ULK4: variants seen among roughly 807,000 people sequenced by gnomAD.
ULK4 encodes the protein unc-51 like kinase 4.
A neutral mutation model predicts 160.6 loss-of-function variants in ULK4; 133 were observed. The observed-to-expected ratio is 0.83, with a 90% CI of 0.72 to 0.96. The LOEUF is 0.96. Ranked by LOEUF, ULK4 falls within the 40% of genes least tolerant of loss-of-function variation. The pLI, the probability that ULK4 is intolerant of heterozygous loss-of-function variation, is 0.00. For missense variants in ULK4, 1,580 were observed against 1,499.5 expected, an observed-to-expected ratio of 1.05 and a Z score of -0.89; for synonymous variants, 534 against 539.8, an observed-to-expected ratio of 0.99 and a Z score of 0.15.
At chr3:41,745,256 A>T (rs561151252) in intron 22 of ULK4, among the ~76,000 whole-genome samples, 1 of 151,706 alleles carries the variant, frequency 6.6e-6, no homozygotes, top group Admixed American at 6.6e-5. Context: ...CTGGTCACTC[A>T]ATCTCTAGCA....
chr3:41,789,023 T>C (rs2040074896), intron 21 of ULK4, among the ~76,000 whole-genome samples: 1 of 152,172 alleles, frequency 6.6e-6, no homozygotes, highest in Non-Finnish European at 1.5e-5. Context: ...AAGTCTGCAT[T>C]TCCAACAAGC....
chr3:41,505,656 A>C (rs2125918980), intron 32 of ULK4, among the ~76,000 whole-genome samples: 1 of 152,240 alleles, frequency 6.6e-6, no homozygotes, highest in African/African-American at 2.4e-5. Context: ...TGATTTTTTT[A>C]TATTGACCTT....
At chr3:41,407,971 TAAAC>T (rs758239608) in intron 34 of ULK4, among the ~76,000 whole-genome samples, 6 of 151,988 alleles carry the variant, frequency 3.9e-5, no homozygotes, top group Non-Finnish European at 7.4e-5. Flanking sequence ...TTAGTACAAA[TAAAC>T]AAGTTCATCA....
chr3:41,540,683 A>T (rs988588019), intron 32 of ULK4, among the ~76,000 whole-genome samples: 2 of 152,186 alleles, frequency 1.3e-5, no homozygotes, highest in Non-Finnish European at 2.9e-5. Flanking sequence ...ATTTCTCCAC[A>T]TCCTCTCTAG....
Position 41,826,141 on chromosome 3 carries a change from C to A in ULK4, c.1765-6635G>T, listed in dbSNP as rs548924836. Among the ~76,000 whole-genome samples, 53 of 152,238 alleles carry A rather than the reference C, an allele frequency of 3.5e-4. 1 individual carries two copies. Among genetic ancestry groups the A allele is most frequent in the South Asian group, 2.3e-3 (11 of 4,816 alleles). On this transcript the variant is annotated intron_variant, in intron 18 of 36. Coordinates refer to ENST00000301831, the MANE Select transcript of ULK4 (RefSeq NM_017886.4). ...TTTTGACACCACCAGGCCTGCCCTA[C>A]AAGAGCTCCTGAAGGAAGCACTAAA...
chr3:41,347,217 A>C (rs1469533195), intron 35 of ULK4, among the ~76,000 whole-genome samples: 1 of 152,242 alleles, frequency 6.6e-6, no homozygotes, highest in Non-Finnish European at 1.5e-5. Flanking sequence ...CCAATAATCA[A>C]CTCAGTCCAA....
chr3:41,647,054 A>T (rs1294705235), intron 30 of ULK4, among the ~76,000 whole-genome samples: 1 of 152,090 alleles, frequency 6.6e-6, no homozygotes, highest in Non-Finnish European at 1.5e-5. Flanking sequence ...CAGCTCCTTT[A>T]AGCACTTCTC....
chr3:41,541,437 A>G (rs2086691641), intron 32 of ULK4, among the ~76,000 whole-genome samples: 1 of 152,182 alleles, frequency 6.6e-6, no homozygotes, highest in African/African-American at 2.4e-5. Context: ...GTAGCCTTGT[A>G]GCATAGTTTG....
chr3:41,437,676 C>A (rs2083066927), intron 34 of ULK4, among the ~76,000 whole-genome samples: 1 of 152,156 alleles, frequency 6.6e-6, no homozygotes, highest in Non-Finnish European at 1.5e-5. Context: ...ATCACTCACA[C>A]CCCAAATTAA....
intron 2 of ULK4, among the ~76,000 whole-genome samples, chr3:41,941,339 G>GAAA (rs58069829): frequency 0.64 from 64,732 of 100,646 alleles, 23,302 homozygotes; most frequent in East Asian, 0.79. Flanking sequence ...TGCCCAGCTT[G>GAAA]AAAAAAAAAA....
At chr3:41,306,819 G>T (rs374761393) in intron 35 of ULK4, among the ~76,000 whole-genome samples, 3 of 151,940 alleles carry the variant, frequency 2.0e-5, no homozygotes, top group East Asian at 1.9e-4. Flanking sequence ...TTCTTCTGCC[G>T]TGGGATCCTG....
chr3:41,792,013 T>A (rs1215864791), intron 20 of ULK4, among the ~76,000 whole-genome samples: 1 of 152,190 alleles, frequency 6.6e-6, no homozygotes, highest in African/African-American at 2.4e-5. Flanking sequence ...TTTGGGCATT[T>A]TTCAAATAAC....
chr3:41,350,924 T>C (rs1462487493), intron 35 of ULK4, among the ~76,000 whole-genome samples: 1 of 152,154 alleles, frequency 6.6e-6, no homozygotes, highest in Non-Finnish European at 1.5e-5. Flanking sequence ...AGAATGAAAG[T>C]AAAGGATGTC....
chr3:41,653,201 T>C (rs771760361), intron 30 of ULK4, among the ~76,000 whole-genome samples: 42 of 152,108 alleles, frequency 2.8e-4, no homozygotes, highest in Non-Finnish European at 1.3e-4. Flanking sequence ...CAGGCCAATA[T>C]TCCCCTGCCC....
intron 22 of ULK4, among the ~76,000 whole-genome samples, chr3:41,736,519 G>T (rs1008258567): frequency 3.3e-5 from 5 of 151,782 alleles, no homozygotes; most frequent in African/African-American, 9.7e-5. Context: ...CATATCCTTC[G>T]CCCACTTTGT....
At chr3:41,794,758 A>G (rs565980226) in intron 20 of ULK4, among the ~76,000 whole-genome samples, 3 of 151,510 alleles carry the variant, frequency 2.0e-5, no homozygotes, top group African/African-American at 7.3e-5. Context: ...TAGAGGCGAG[A>G]GAGCAGAGTC....
intron 32 of ULK4, among the ~76,000 whole-genome samples, chr3:41,531,502 AAAAAG>A (rs2086316382): frequency 6.8e-6 from 1 of 146,244 alleles, no homozygotes; most frequent in Non-Finnish European, 1.5e-5. Flanking sequence ...AGAGAAGAAG[AAAAAG>A]AAAAGAAAAA....
intron 35 of ULK4, among the ~76,000 whole-genome samples, chr3:41,273,337 T>G (rs2079169970): frequency 6.6e-6 from 1 of 152,182 alleles, no homozygotes; most frequent in Non-Finnish European, 1.5e-5. Context: ...CCCCAGGAAC[T>G]ATAAGGTTTT....
chr3:41,602,250 A>G (rs958716748), intron 31 of ULK4, among the ~76,000 whole-genome samples: 1 of 122,092 alleles, frequency 8.2e-6, no homozygotes, highest in Non-Finnish European at 1.7e-5. Flanking sequence ...GAAGGAAGAG[A>G]AAAAGGAAAG....
Sources: gnomAD v4.1 joint callset for allele counts (sites outside exome capture counted in the v4.1 genomes callset) on GRCh38, gnomAD v4.1.1 for gene constraint, MANE v1.5 for transcripts, NCBI Gene and HGNC (gene_info 2026-07-23, HGNC 2026-07-21) for gene names.